The following PDGFC variants were observed in gnomAD, a reference collection of about 807,000 sequenced individuals.
The protein encoded by PDGFC is platelet-derived growth factor C.
A neutral mutation model predicts 35.5 loss-of-function variants in PDGFC; 12 were observed. That is an observed-to-expected ratio of 0.34 (90% CI 0.22 to 0.55). The LOEUF (loss-of-function observed/expected upper bound fraction) is 0.55, where lower values mean the gene tolerates loss of function less well. PDGFC is among the 20% of genes least tolerant of loss of function. PDGFC has a pLI of 0.91. For missense variants in PDGFC, 322 were observed against 412.4 expected, an observed-to-expected ratio of 0.78 and a Z score of 1.90; for synonymous variants, 159 against 148.8, an observed-to-expected ratio of 1.07 and a Z score of -0.50.
intron 1 of PDGFC, among the ~76,000 whole-genome samples, chr4:156,864,937 G>A (rs945365676): frequency 6.6e-6 from 1 of 152,036 alleles, no homozygotes; most frequent in African/African-American, 2.4e-5. Flanking sequence ...AGAAAGTTTT[G>A]AGAATCTGAT....
At chr4:156,828,839 A>T (rs981987588) in intron 2 of PDGFC, among the ~76,000 whole-genome samples, 3 of 152,136 alleles carry the variant, frequency 2.0e-5, no homozygotes, top group Admixed American at 2.0e-4. Context: ...ACTGTAAACA[A>T]CATAAAAATA....
At chr4:156,879,390 G>GA (rs768673658) in intron 1 of PDGFC, among the ~76,000 whole-genome samples, 1 of 152,178 alleles carries the variant, frequency 6.6e-6, no homozygotes, top group Non-Finnish European at 1.5e-5. Flanking sequence ...GCCAAGTTGA[G>GA]AAAACAAAGC....
At chr4:156,890,969 T>C (rs1396953669) in intron 1 of PDGFC, among the ~76,000 whole-genome samples, 1 of 152,072 alleles carries the variant, frequency 6.6e-6, no homozygotes, top group East Asian at 1.9e-4. Flanking sequence ...GGATATGTTA[T>C]AGTAAATGCA....
chr4:156,874,055 T>C lies in PDGFC; in HGVS notation c.119-23639A>G, dbSNP rs548591107. 2.6e-5 allele frequency: 4 copies of C among 152,346 alleles called. No individual in the cohort carries two copies. In the East Asian group the frequency reaches 7.7e-4, roughly 29 times the overall value. 9.4% of individuals were successfully genotyped at this position (152,346 alleles called of 1,614,324 possible). On this transcript the variant is annotated intron_variant, in intron 1 of 5. Transcript: ENST00000502773. ...TGTGTCATATGCATATATCATCATG[T>C]GCAGCAGTAGTTCTCAGGAGACTTA...
At chr4:156,776,760 C>T (rs377153845) in intron 3 of PDGFC, among the ~76,000 whole-genome samples, 21 of 152,078 alleles carry the variant, frequency 1.4e-4, no homozygotes, top group Admixed American at 1.1e-3. Context: ...GAGAGAACTA[C>T]GATCAGGAGT....
chr4:156,853,254 A>G (rs567852305), intron 1 of PDGFC, among the ~76,000 whole-genome samples: 2 of 152,330 alleles, frequency 1.3e-5, no homozygotes, highest in Admixed American at 1.3e-4. Flanking sequence ...ATATGTTAAC[A>G]TTATTTCACA....
intron 4 of PDGFC, 124 bp from the exon 5 acceptor site, chr4:156,768,114 C>T (rs1337288624): frequency 1.5e-6 from 1 of 670,898 alleles, no homozygotes; most frequent in Admixed American, 2.5e-5. Context: ...ATAACAATAT[C>T]CGCTCTTATT....
chr4:156,898,043 A>C (rs2110750208), intron 1 of PDGFC, among the ~76,000 whole-genome samples: 1 of 152,314 alleles, frequency 6.6e-6, no homozygotes, highest in South Asian at 2.1e-4. Context: ...CAACACGTAT[A>C]TCTTGAGACC....
At chr4:156,773,251 A>C (rs1321855883) in intron 3 of PDGFC, among the ~76,000 whole-genome samples, 1 of 152,186 alleles carries the variant, frequency 6.6e-6, no homozygotes. Flanking sequence ...CATTTTCCTT[A>C]ATCTGAAAAA....
intron 1 of PDGFC, among the ~76,000 whole-genome samples, chr4:156,937,899 G>A (rs1195949434): frequency 1.3e-5 from 2 of 151,994 alleles, no homozygotes; most frequent in Non-Finnish European, 2.9e-5. Context: ...GTTCTTTAGA[G>A]AATAATGAAG....
intron 3 of PDGFC, among the ~76,000 whole-genome samples, chr4:156,808,674 G>T (rs983249048): frequency 4.6e-5 from 7 of 151,816 alleles, no homozygotes; most frequent in African/African-American, 1.7e-4. Context: ...ATGGAGGGAG[G>T]GGTGTAATTT....
chr4:156,793,686 A>C (rs925381227), intron 3 of PDGFC, among the ~76,000 whole-genome samples: 1 of 151,818 alleles, frequency 6.6e-6, no homozygotes, highest in Non-Finnish European at 1.5e-5. Flanking sequence ...GCCTGGAATC[A>C]GAACATGTCA....
chr4:156,768,637 T>C (rs1223758688), intron 4 of PDGFC, among the ~76,000 whole-genome samples: 1 of 152,026 alleles, frequency 6.6e-6, no homozygotes, highest in Non-Finnish European at 1.5e-5. Flanking sequence ...ATTTCCCATC[T>C]TGGAAATTCA....
At chr4:156,931,198 C>A (rs982233646) in intron 1 of PDGFC, among the ~76,000 whole-genome samples, 9 of 152,142 alleles carry the variant, frequency 5.9e-5, no homozygotes, top group African/African-American at 2.2e-4. Context: ...AACATGAATT[C>A]TTTTGTATTA....
At chr4:156,816,525 T>G (rs1732090401) in intron 2 of PDGFC, among the ~76,000 whole-genome samples, 1 of 152,166 alleles carries the variant, frequency 6.6e-6, no homozygotes, top group Non-Finnish European at 1.5e-5. Context: ...TGACAGACAC[T>G]GTTTTTTCTT....
intron 2 of PDGFC, among the ~76,000 whole-genome samples, chr4:156,813,285 G>A (rs1731991638): frequency 6.6e-6 from 1 of 152,052 alleles, no homozygotes; most frequent in African/African-American, 2.4e-5. Flanking sequence ...CCACTCATTC[G>A]ACAGGGATTT....
chr4:156,914,812 A>G (rs1041571920), intron 1 of PDGFC, among the ~76,000 whole-genome samples: 1 of 152,192 alleles, frequency 6.6e-6, no homozygotes, highest in Admixed American at 6.5e-5. Flanking sequence ...CAGACTGGAA[A>G]GAGATTCAAC....
At chr4:156,961,123 G>A (rs1371416486) in intron 1 of PDGFC, among the ~76,000 whole-genome samples, 1 of 151,862 alleles carries the variant, frequency 6.6e-6, no homozygotes, top group African/African-American at 2.4e-5. Flanking sequence ...TGCTACCAAA[G>A]CAAAATAAAT....
intron 1 of PDGFC, among the ~76,000 whole-genome samples, chr4:156,921,852 C>A (rs984599552): frequency 1.3e-5 from 2 of 152,096 alleles, no homozygotes; most frequent in African/African-American, 4.8e-5. Flanking sequence ...CAATATTCTT[C>A]CCTCCTCAGC....
Sources: allele counts gnomAD v4.1 joint callset (sites outside exome capture counted in the v4.1 genomes callset), GRCh38; gene constraint gnomAD v4.1.1; transcripts MANE v1.5; gene names NCBI Gene and HGNC (gene_info 2026-07-23, HGNC 2026-07-21).